C10orf143: variants seen among roughly 807,000 people sequenced by gnomAD.
C10orf143 encodes the protein uncharacterized protein C10orf143.
At chr10:130,043,644 GCC>G (rs1157038147) in intron 3 of C10orf143, among the ~76,000 whole-genome samples, 7 of 152,216 alleles carry the variant, frequency 4.6e-5, no homozygotes, top group African/African-American at 1.7e-4. Flanking sequence ...ACCCCCAGGT[GCC>G]CTGCTCTCCC....
chr10:130,060,203 C>G (rs884543), downstream of C10orf143, among the ~76,000 whole-genome samples: 1 of 152,034 alleles, frequency 6.6e-6, no homozygotes, highest in East Asian at 1.9e-4. Context: ...TGCCAATGTT[C>G]GTGCACAGGG....
intron 1 of C10orf143, among the ~76,000 whole-genome samples, chr10:130,090,520 T>C (rs1861364253): frequency 6.6e-6 from 1 of 152,048 alleles, no homozygotes; most frequent in Admixed American, 6.5e-5. Flanking sequence ...CTGCAGGAGT[T>C]TTTTTTCATA....
At chr10:130,052,580 T>C (rs1472590833) in intron 3 of C10orf143, among the ~76,000 whole-genome samples, 4 of 152,360 alleles carry the variant, frequency 2.6e-5, no homozygotes, top group Admixed American at 2.6e-4. Context: ...CACTTGAGGT[T>C]ACACAGCTGA....
chr10:130,096,265 G>A lies in C10orf143; in HGVS notation c.69+14439C>T, dbSNP rs1455461580. ...GATACCATCTCACGCCAGTTAGAAC[G>A]GTGATCATTAAAAAGTCAGGAAACA... On this transcript the variant is annotated intron_variant, in intron 1 of 3. Transcript: ENST00000637128. Among the ~76,000 whole-genome samples the A allele has an allele frequency of 3.3e-5, 5 of 152,104 alleles. No individual in the cohort carries two copies. The East Asian group carries it at 7.8e-4, about 24-fold the overall frequency.
intron 1 of C10orf143, among the ~76,000 whole-genome samples, chr10:130,097,660 T>C (rs1861484042): frequency 6.6e-6 from 1 of 152,204 alleles, no homozygotes; most frequent in Non-Finnish European, 1.5e-5. Context: ...TTCTGCACTA[T>C]TCATAACCAA....
intron 3 of C10orf143, among the ~76,000 whole-genome samples, chr10:130,041,901 T>C (rs1478990024): frequency 1.3e-5 from 2 of 151,926 alleles, no homozygotes; most frequent in Non-Finnish European, 2.9e-5. Context: ...CACACACACA[T>C]GCACACACTC....
At chr10:130,046,650 C>T (rs1240647594) in intron 3 of C10orf143, among the ~76,000 whole-genome samples, 1 of 152,234 alleles carries the variant, frequency 6.6e-6, no homozygotes, top group Non-Finnish European at 1.5e-5. Context: ...GATAGGAAGC[C>T]GGCCATGCTC....
intron 1 of C10orf143, among the ~76,000 whole-genome samples, chr10:130,082,817 A>G (rs1282828061): frequency 2.0e-5 from 3 of 152,242 alleles, no homozygotes; most frequent in Non-Finnish European, 4.4e-5. Context: ...ATAAAGAACT[A>G]TGCAATTCCT....
rs562502350 is a variant in C10orf143, at chr10:130,078,716, T to C, written c.297+850A>G. ...AGGTCTCCGTTTGAAACAAAATCAG[T>C]GCTTATCATCGTAAAACACAGTAGC... is the stretch of plus-strand genomic sequence containing the variant. On this transcript the variant is annotated intron_variant, in intron 3 of 3. Coordinates refer to ENST00000637128, the MANE Select transcript of C10orf143 (RefSeq NM_001355042.2). 7.2e-5 allele frequency among the ~76,000 whole-genome samples: 11 copies of C among 152,320 alleles called. No individual in the cohort carries two copies. In the South Asian group the frequency reaches 1.7e-3, roughly 23 times the overall value.
chr10:130,051,261 C>A (rs1306470288), intron 3 of C10orf143, among the ~76,000 whole-genome samples: 1 of 150,932 alleles, frequency 6.6e-6, no homozygotes, highest in Non-Finnish European at 1.5e-5. Flanking sequence ...CATTAAGAGT[C>A]TCATCTCCCT....
intron 1 of C10orf143, among the ~76,000 whole-genome samples, chr10:130,101,844 T>A (rs1219564506): frequency 1.2e-5 from 1 of 83,632 alleles, no homozygotes; most frequent in African/African-American, 5.4e-5. Flanking sequence ...AGGGAGACTC[T>A]GTCTCAAAAA....
At chr10:130,105,025 T>G (rs1306877298) in intron 1 of C10orf143, 1 of 152,138 alleles carries the variant, frequency 6.6e-6, no homozygotes, top group Non-Finnish European at 1.5e-5. Context: ...GCCTCACGAG[T>G]TGAAGCAATT....
chr10:130,108,234 G>A (rs558922358), intron 1 of C10orf143: 48 of 1,551,904 alleles, frequency 3.1e-5, no homozygotes, highest in Non-Finnish European at 4.0e-5. Flanking sequence ...GGAGCTTCTC[G>A]AGATTATTTT....
At chr10:130,064,637 T>C (rs1860899844) in intron 3 of C10orf143, among the ~76,000 whole-genome samples, 1 of 152,178 alleles carries the variant, frequency 6.6e-6, no homozygotes, top group African/African-American at 2.4e-5. Context: ...TTCTTTCCTA[T>C]AGTACTTTGA....
chr10:130,079,599 G>T lies in C10orf143; in HGVS notation c.264C>A (p.Ala88=). 1 of 399,030 alleles carries T rather than the reference G, an allele frequency of 2.5e-6. No homozygotes were observed. The highest frequency in any genetic ancestry group is 4.4e-6 in the Non-Finnish European group (1 of 226,066). The allele number at this position is 399,030 out of a possible 1,614,324, so 24.7% of individuals were successfully genotyped here. Residue 88 remains alanine (A), a synonymous_variant, in exon 3 of 4, where the codon GCC becomes GCA. Coordinates refer to ENST00000637128, the MANE Select transcript of C10orf143 (RefSeq NM_001355042.2). ...GISQNGGRSS[A]QPCPRCIAGE... ...CTGCAATACATCTTGGGCAAGGCTG[G>T]GCTGAGCTCCTTCCACCATTCTGAG...
chr10:130,047,417 G>T (rs1209848847), intron 3 of C10orf143, among the ~76,000 whole-genome samples: 4 of 152,208 alleles, frequency 2.6e-5, no homozygotes, highest in Admixed American at 2.0e-4. Flanking sequence ...GAGGGTCTGT[G>T]TAAGGCACTG....
chr10:130,108,575 G>C, intron 1 of C10orf143: 1 of 573,352 alleles, frequency 1.7e-6, no homozygotes, highest in South Asian at 2.2e-5. Flanking sequence ...TCTTAGGATA[G>C]TATTTTGTAA....
chr10:130,050,140 C>T (rs1031533807), intron 3 of C10orf143, among the ~76,000 whole-genome samples: 4 of 152,202 alleles, frequency 2.6e-5, no homozygotes, highest in Admixed American at 6.5e-5. Context: ...CCCGCCTGGG[C>T]GAGACATTCC....
At position 130,110,794 on chromosome 10, in the gene C10orf143, C is replaced by A. The variant is rs142521838; in HGVS notation, c.-22G>T. 2.9e-3 allele frequency: 1,151 copies of A among 398,946 alleles called. 12 individuals carry two copies. Among genetic ancestry groups the A allele is most frequent in the African/African-American group, 0.021 (1,034 of 48,758 alleles). The allele number at this position is 398,946 out of a possible 1,614,324, so 24.7% of individuals were successfully genotyped here. On this transcript the variant is annotated 5_prime_UTR_variant, in exon 1 of 4. Coordinates refer to ENST00000637128, the MANE Select transcript of C10orf143 (RefSeq NM_001355042.2). Reference sequence around the variant, plus strand: ...CCATGCAGCCCCAGGGTCAAACCCTCCCGGCATCTCAGGCCTGGCCGAGGC... The same window carrying A: ...CCATGCAGCCCCAGGGTCAAACCCTACCGGCATCTCAGGCCTGGCCGAGGC...
Sources: allele counts gnomAD v4.1 joint callset (sites outside exome capture counted in the v4.1 genomes callset), GRCh38; gene constraint gnomAD v4.1.1; transcripts MANE v1.5; gene names NCBI Gene and HGNC (gene_info 2026-07-23, HGNC 2026-07-21).